The following ZNF385B variants were observed in gnomAD, a reference collection of about 807,000 sequenced individuals.
The protein encoded by ZNF385B is zinc finger protein 533.
A neutral mutation model predicts 39.2 loss-of-function variants in ZNF385B; 23 were observed. That is an observed-to-expected ratio of 0.59 (90% CI 0.42 to 0.83). The LOEUF (loss-of-function observed/expected upper bound fraction) is 0.83. ZNF385B is among the 40% of genes least tolerant of loss of function. The probability of loss-of-function intolerance (pLI) is 0.00; values close to 1 mark genes in which losing one functional copy is unlikely to be tolerated. For missense variants in ZNF385B, 552 were observed against 598.9 expected (o/e 0.92, Z 0.82); for synonymous variants, 205 against 222.6 (o/e 0.92, Z 0.70).
chr2:179,590,073 T>C (rs1346729190), intron 3 of ZNF385B, among the ~76,000 whole-genome samples: 1 of 152,242 alleles, frequency 6.6e-6, no homozygotes, highest in East Asian at 1.9e-4. Flanking sequence ...TATGTGACCC[T>C]GGAGAAGTCA....
chr2:179,590,211 C>T (rs1224501605), intron 3 of ZNF385B, among the ~76,000 whole-genome samples: 5 of 152,154 alleles, frequency 3.3e-5, no homozygotes, highest in African/African-American at 7.2e-5. Flanking sequence ...TGGAGTCAGA[C>T]CACTGGGACT....
intron 3 of ZNF385B, among the ~76,000 whole-genome samples, chr2:179,570,922 T>A (rs1685137749): frequency 1.3e-5 from 2 of 152,240 alleles, no homozygotes; most frequent in African/African-American, 2.4e-5. Context: ...TATCTTTTTT[T>A]AAATCAAATT....
In ZNF385B at chr2:179,696,326, CTTTT is replaced by C. The variant is rs71029828; in HGVS notation, c.298+73173_298+73176del. Among the ~76,000 whole-genome samples the C allele has an allele frequency of 5.3e-3, 213 of 40,360 alleles. 5 individuals carry two copies. The highest frequency in any genetic ancestry group is 0.015 in the African/African-American group (144 of 9,604). The allele number at this position is 40,360 out of a possible 152,430, so 26.5% of individuals were successfully genotyped here. A position where few individuals can be genotyped will look rare whatever the true frequency, so the allele number is the denominator to read the frequency against. ...CTGGGACACTAGGTACAAACTGGGACTTTTTTTTTTTTTTTTTTTTTTTGCATCC... is the reference window on the plus strand; with the variant it reads ...CTGGGACACTAGGTACAAACTGGGACTTTTTTTTTTTTTTTTTTTGCATCC... On this transcript the variant is annotated intron_variant, in intron 3 of 9. Coordinates refer to ENST00000410066, the MANE Select transcript of ZNF385B (RefSeq NM_152520.6).
chr2:179,813,482 T>A (rs1219888245), intron 1 of ZNF385B, among the ~76,000 whole-genome samples: 1 of 152,118 alleles, frequency 6.6e-6, no homozygotes, highest in Admixed American at 6.6e-5. Context: ...GTTGACAACA[T>A]TAATATGATA....
In ZNF385B at chr2:179,553,001, A is replaced by G. The variant is rs1450563816; in HGVS notation, c.299-8032T>C. 3.4e-5 allele frequency among the ~76,000 whole-genome samples: 5 copies of G among 149,170 alleles called. 1 individual carries two copies. Among genetic ancestry groups the G allele is most frequent in the African/African-American group, 1.3e-4 (5 of 39,586 alleles). ...CTGAGGCACAGAGAGATTAAGCCCAACTTCATATAGTTTGTATGTAGAGGA... is the reference window on the plus strand; with the variant it reads ...CTGAGGCACAGAGAGATTAAGCCCAGCTTCATATAGTTTGTATGTAGAGGA... On this transcript the variant is annotated intron_variant, in intron 3 of 9. Transcript: ENST00000410066.
At chr2:179,536,354 T>G (rs898672584) in intron 4 of ZNF385B, 2 of 152,152 alleles carry the variant, frequency 1.3e-5, no homozygotes, top group Admixed American at 1.3e-4. Context: ...GCGCCAAGAC[T>G]AAAGACTTGT....
intron 5 of ZNF385B, among the ~76,000 whole-genome samples, chr2:179,517,666 T>C (rs2058185507): frequency 6.6e-6 from 1 of 152,150 alleles, no homozygotes; most frequent in Non-Finnish European, 1.5e-5. Context: ...AGGGGTCAAG[T>C]AACTCAGGAA....
At chr2:179,453,800 T>G (rs1164714576) in intron 6 of ZNF385B, among the ~76,000 whole-genome samples, 1 of 152,078 alleles carries the variant, frequency 6.6e-6, no homozygotes. Context: ...GTGTGGACCT[T>G]TAGTGGCACA....
At chr2:179,669,285 C>G (rs954777529) in intron 3 of ZNF385B, among the ~76,000 whole-genome samples, 1 of 152,170 alleles carries the variant, frequency 6.6e-6, no homozygotes, top group African/African-American at 2.4e-5. Flanking sequence ...CCTTTAATCA[C>G]AGACTGTCCA....
rs575954998 is a variant in ZNF385B, at chr2:179,693,507, A to C, written c.298+75996T>G. On this transcript the variant is annotated intron_variant, in intron 3 of 9. Coordinates refer to ENST00000410066, the MANE Select transcript of ZNF385B (RefSeq NM_152520.6). ...AAATGGAGAGAATAATGCAATAATG[A>C]ATTATTTCTGACACAGAAATGTTTA... is the stretch of plus-strand genomic sequence containing the variant. Among the ~76,000 whole-genome samples, 53 of 152,348 alleles carry C rather than the reference A, an allele frequency of 3.5e-4. 1 individual carries two copies. Among genetic ancestry groups the C allele is most frequent in the African/African-American group, 1.2e-3 (51 of 41,588 alleles).
At chr2:179,473,634 A>G (rs757446708) in intron 6 of ZNF385B, among the ~76,000 whole-genome samples, 6 of 152,228 alleles carry the variant, frequency 3.9e-5, no homozygotes, top group Non-Finnish European at 7.4e-5. Context: ...TCAACCCATC[A>G]TCTACATTAG....
intron 3 of ZNF385B, among the ~76,000 whole-genome samples, chr2:179,568,398 A>G (rs1684836492): frequency 6.6e-6 from 1 of 152,222 alleles, no homozygotes; most frequent in South Asian, 2.1e-4. Context: ...GATAAAAACT[A>G]TATTCCCAGT....
chr2:179,735,932 A>C (rs1701723157), intron 3 of ZNF385B, among the ~76,000 whole-genome samples: 1 of 150,308 alleles, frequency 6.7e-6, no homozygotes, highest in South Asian at 2.1e-4. Flanking sequence ...ACCTAATGCT[A>C]GATGACGAGT....
intron 3 of ZNF385B, among the ~76,000 whole-genome samples, chr2:179,589,308 C>T (rs1271535429): frequency 6.6e-6 from 1 of 152,192 alleles, no homozygotes; most frequent in East Asian, 1.9e-4. Context: ...GGCTCAGTTT[C>T]TGCTTGTATC....
At chr2:179,755,303 G>T (rs1012433116) in intron 3 of ZNF385B, among the ~76,000 whole-genome samples, 1 of 152,178 alleles carries the variant, frequency 6.6e-6, no homozygotes, top group Admixed American at 6.5e-5. Context: ...GAGACAGTTT[G>T]TTATAATTTC....
At chr2:179,815,074 T>C (rs111765760) in intron 1 of ZNF385B, among the ~76,000 whole-genome samples, 3,856 of 152,262 alleles carry the variant, frequency 0.025, 56 homozygotes, top group Middle Eastern at 0.044. Context: ...GGAATACAAA[T>C]TGGGGAAAGG....
rs151290641 is a variant in ZNF385B at position 179,826,456 on chromosome 2, A to G, written c.-155+34645T>C. Among the ~76,000 whole-genome samples, 6 of 152,274 alleles carry G rather than the reference A, an allele frequency of 3.9e-5. No homozygotes were observed. The East Asian group carries it at 1.2e-3, about 29-fold the overall frequency. On this transcript the variant is annotated intron_variant, in intron 1 of 9. Transcript: ENST00000410066. ...GATGACTGATTTCATTCCTTTTAGA[A>G]TACTCAGACACCACTTACCCCAGCC... is the stretch of plus-strand genomic sequence containing the variant.
intron 3 of ZNF385B, among the ~76,000 whole-genome samples, chr2:179,712,158 T>G (rs781441145): frequency 3.3e-5 from 5 of 152,300 alleles, no homozygotes; most frequent in Non-Finnish European, 7.3e-5. Context: ...TATTACATTC[T>G]CTACTTCTGG....
chr2:179,551,045 T>C (rs62179176), intron 3 of ZNF385B, among the ~76,000 whole-genome samples: 20,227 of 152,120 alleles, frequency 0.13, 1,507 homozygotes, highest in Non-Finnish European at 0.16. Flanking sequence ...CCTTTGACTT[T>C]TGTATAAACT....
Sources: gnomAD v4.1 joint callset for allele counts (sites outside exome capture counted in the v4.1 genomes callset) on GRCh38, gnomAD v4.1.1 for gene constraint, MANE v1.5 for transcripts, NCBI Gene and HGNC (gene_info 2026-07-23, HGNC 2026-07-21) for gene names.